OTUD4: variants seen among roughly 807,000 people sequenced by gnomAD.
The protein encoded by OTUD4 is OTU deubiquitinase 4.
OTUD4 carries 24 observed loss-of-function variants against 130.4 expected under a neutral mutation model. That is an observed-to-expected ratio of 0.18 (90% CI 0.13 to 0.26). OTUD4 has a LOEUF of 0.26. Ranked by LOEUF, OTUD4 falls within the 10% of genes least tolerant of loss-of-function variation. The pLI is 1.00. For synonymous variants in OTUD4, 420 were observed against 472.5 expected, an observed-to-expected ratio of 0.89 and a Z score of 1.44; for missense variants, 1,031 against 1,329.4, an observed-to-expected ratio of 0.78 and a Z score of 3.49.
intron 14 of OTUD4, among the ~76,000 whole-genome samples, chr4:145,145,259 C>T (rs770432052): frequency 6.6e-6 from 1 of 152,148 alleles, no homozygotes; most frequent in Non-Finnish European, 1.5e-5. Flanking sequence ...TAACACATGA[C>T]ATGAGAGATA....
intron 5 of OTUD4, among the ~76,000 whole-genome samples, chr4:145,163,729 G>A (rs896608743): frequency 2.1e-5 from 3 of 143,522 alleles, no homozygotes; most frequent in African/African-American, 2.6e-5. Flanking sequence ...TTTTTAAGAC[G>A]GAGGTTCACT....
intron 20 of OTUD4, 76 bp from the exon 21 acceptor site, chr4:145,138,726 T>C (rs759370786): frequency 7.0e-5 from 94 of 1,340,588 alleles, no homozygotes; most frequent in Middle Eastern, 4.4e-4. Flanking sequence ...AATCTACAAG[T>C]ACTAGGGTCA....
intron 3 of OTUD4, among the ~76,000 whole-genome samples, chr4:145,165,899 T>C (rs1055649356): frequency 2.0e-5 from 3 of 152,026 alleles, no homozygotes; most frequent in Non-Finnish European, 4.4e-5. Context: ...CAGTGGCTCA[T>C]GCCTGTAATC....
At chr4:145,158,507 A>G (rs182328107) in intron 7 of OTUD4, among the ~76,000 whole-genome samples, 3 of 151,730 alleles carry the variant, frequency 2.0e-5, no homozygotes, top group African/African-American at 7.3e-5. Context: ...CAAAACAAAA[A>G]AAAACAAAAA....
Position 145,157,704 on chromosome 4 carries a change from A to G in OTUD4, c.630-1708T>C, listed in dbSNP as rs1043515126. 1.8e-4 allele frequency among the ~76,000 whole-genome samples: 27 copies of G among 151,650 alleles called. No homozygotes were observed. The East Asian group carries it at 2.5e-3, about 14-fold the overall frequency. On this transcript the variant is annotated intron_variant, in intron 7 of 20. Coordinates refer to ENST00000447906, the MANE Select transcript of OTUD4 (RefSeq NM_001366057.1). ...CGTCTCAAAAAAAAAAAAAAAAAAA[A>G]AAAGAAATTTTAATAATGCAATAGA...
chr4:145,142,436 T>G, intron 17 of OTUD4, 102 bp from the exon 18 acceptor site: 3 of 974,480 alleles, frequency 3.1e-6, no homozygotes, highest in Middle Eastern at 2.2e-4. Flanking sequence ...TGCCTGCCTT[T>G]TATACAAATG....
At chr4:145,171,400 C>A (rs921289733) in intron 3 of OTUD4, 1 of 318,862 alleles carries the variant, frequency 3.1e-6, no homozygotes, top group Non-Finnish European at 5.7e-6. Flanking sequence ...AAAATCATCA[C>A]CCCAGTATTA....
At chr4:145,174,816 A>G (rs1752342898) in intron 1 of OTUD4, 72 bp from the exon 2 acceptor site, 1 of 790,844 alleles carries the variant, frequency 1.3e-6, no homozygotes, top group Non-Finnish European at 2.2e-6. Context: ...CTTCTTTTAC[A>G]CCCAAAATAA....
At chr4:145,140,815 C>A (rs1750520601) in intron 19 of OTUD4, among the ~76,000 whole-genome samples, 1 of 151,498 alleles carries the variant, frequency 6.6e-6, no homozygotes, top group South Asian at 2.1e-4. Context: ...TGTAAAAACA[C>A]AGAAGGAGGT....
At chr4:145,174,607 C>A (rs1267869595) in intron 2 of OTUD4, 54 bp downstream of exon 2, 1 of 1,032,858 alleles carries the variant, frequency 9.7e-7, no homozygotes, top group Non-Finnish European at 1.5e-6. Flanking sequence ...CTTCTAAAAG[C>A]CAAAATGTAA....
At chr4:145,177,061 G>A (rs189530050) in intron 1 of OTUD4, among the ~76,000 whole-genome samples, 15 of 152,204 alleles carry the variant, frequency 9.9e-5, no homozygotes, top group Non-Finnish European at 1.8e-4. Context: ...AATAACCACC[G>A]TAGAATTTTT....
intron 15 of OTUD4, 30 bp from the exon 16 acceptor site, chr4:145,144,031 C>T (rs373038962): frequency 6.5e-7 from 1 of 1,537,826 alleles, no homozygotes; most frequent in Non-Finnish European, 9.0e-7. Context: ...AAAAAGACAG[C>T]ATAAGCCACC....
At chr4:145,150,374 A>C in intron 13 of OTUD4, 139 bp downstream of exon 13, 2 of 543,674 alleles carry the variant, frequency 3.7e-6, no homozygotes, top group Non-Finnish European at 3.3e-6. Context: ...ATGAAGTTTT[A>C]TACAAAATGC....
rs1451916677 is a variant in OTUD4 at position 145,138,049 on chromosome 4, A to G, written c.2726T>C (p.Val909Ala). 7 of 1,614,122 alleles carry G rather than the reference A, an allele frequency of 4.3e-6. No individual in the cohort carries two copies. In the South Asian group the frequency reaches 4.4e-5, roughly 10 times the overall value. ...LSKDCGSVST[V>A]DEFPEARGEH... ...ACCCCTGGCTTCTGGAAACTCATCT[A>G]CTGTTGAAACTGAACCACAATCTTT... The change falls in exon 21 of 21, where the codon GTA (valine) becomes GCA (alanine). Residue 909 changes from valine (V) to alanine (A), a missense_variant. Coordinates refer to ENST00000447906, the MANE Select transcript of OTUD4 (RefSeq NM_001366057.1).
chr4:145,149,578 T>C (rs1264355547), intron 13 of OTUD4: 1 of 152,052 alleles, frequency 6.6e-6, no homozygotes, highest in Non-Finnish European at 1.5e-5. Context: ...GGTGAAAGAG[T>C]AGAACAAGGA....
Position 145,164,571 on chromosome 4 carries a change from T to C in OTUD4, c.342-345A>G, listed in dbSNP as rs114921392. On this transcript the variant is annotated intron_variant, in intron 4 of 20. Coordinates refer to ENST00000447906, the MANE Select transcript of OTUD4 (RefSeq NM_001366057.1). ...CCTCTACTAGGCAAAAGTAGCAAAATTGAATACAGGTTGAGCATCCCAAAT... is the reference window on the plus strand; with the variant it reads ...CCTCTACTAGGCAAAAGTAGCAAAACTGAATACAGGTTGAGCATCCCAAAT... Among the ~76,000 whole-genome samples, 690 of 152,180 alleles carry C rather than the reference T, an allele frequency of 4.5e-3. 5 individuals are homozygous for C. Among genetic ancestry groups the C allele is most frequent in the African/African-American group, 0.016 (653 of 41,526 alleles).
At chr4:145,158,064 CAA>C (rs1252954234) in intron 7 of OTUD4, among the ~76,000 whole-genome samples, 1 of 152,224 alleles carries the variant, frequency 6.6e-6, no homozygotes, top group Non-Finnish European at 1.5e-5. Flanking sequence ...TCTACCTAGG[CAA>C]AGTCAGTCTA....
chr4:145,154,607 C>CA (rs1225569482), intron 10 of OTUD4, among the ~76,000 whole-genome samples: 2 of 151,904 alleles, frequency 1.3e-5, no homozygotes, highest in Non-Finnish European at 2.9e-5. Flanking sequence ...AAATGAAGAA[C>CA]AAAAAACAAG....
intron 3 of OTUD4, among the ~76,000 whole-genome samples, chr4:145,169,128 G>T (rs748828627): frequency 5.9e-5 from 9 of 152,270 alleles, no homozygotes; most frequent in Non-Finnish European, 1.2e-4. Context: ...AGGTCCCAGG[G>T]GATAGGCGGA....
Sources: allele counts gnomAD v4.1 joint callset (sites outside exome capture counted in the v4.1 genomes callset), GRCh38; gene constraint gnomAD v4.1.1; transcripts MANE v1.5; gene names NCBI Gene and HGNC (gene_info 2026-07-23, HGNC 2026-07-21).